ROBO2: variants seen among roughly 807,000 people sequenced by gnomAD.
ROBO2 encodes the protein roundabout guidance receptor 2.
In ROBO2, 53 loss-of-function variants were observed where a neutral mutation model predicts 160.8. The observed-to-expected ratio is 0.33, with a 90% CI of 0.26 to 0.41. The LOEUF (loss-of-function observed/expected upper bound fraction) is 0.41, where lower values mean the gene tolerates loss of function less well. ROBO2 is among the 10% of genes least tolerant of loss of function. ROBO2 has a pLI of 1.00. For synonymous variants in ROBO2, 664 were observed against 611.7 expected, an observed-to-expected ratio of 1.09 and a Z score of -1.26; for missense variants, 1,577 against 1,722.4, an observed-to-expected ratio of 0.92 and a Z score of 1.49.
Position 77,319,162 on chromosome 3 carries a change from T to C in ROBO2, c.389-158252T>C, listed in dbSNP as rs1444146155. On this transcript the variant is annotated intron_variant, in intron 2 of 25. Transcript: ENST00000461745. ...ATGGCTAAGTCCATTATGAGTTTAA[T>C]TGCTTTATGTGCCAGGTGTTCGGAA... 2.0e-5 allele frequency among the ~76,000 whole-genome samples: 3 copies of C among 152,324 alleles called. No individual in the cohort carries two copies. The East Asian group carries it at 5.8e-4, about 29-fold the overall frequency.
chr3:76,817,474 T>C (rs1421875869), intron 2 of ROBO2, among the ~76,000 whole-genome samples: 1 of 152,092 alleles, frequency 6.6e-6, no homozygotes, highest in Non-Finnish European at 1.5e-5. Context: ...TAATGAAACA[T>C]GGTCCAATAT....
intron 2 of ROBO2, among the ~76,000 whole-genome samples, chr3:76,786,207 A>G (rs920529500): frequency 1.3e-5 from 2 of 151,296 alleles, no homozygotes; most frequent in Admixed American, 6.6e-5. Flanking sequence ...AAACATAATG[A>G]CTGAGAAATA....
At chr3:76,521,593 C>T (rs1218396538) in intron 2 of ROBO2, among the ~76,000 whole-genome samples, 1 of 152,110 alleles carries the variant, frequency 6.6e-6, no homozygotes, top group African/African-American at 2.4e-5. Context: ...CCTCAACTTT[C>T]TCAGTGGAAA....
intron 2 of ROBO2, among the ~76,000 whole-genome samples, chr3:76,842,233 A>G (rs1431372169): frequency 3.9e-5 from 6 of 152,214 alleles, no homozygotes; most frequent in Admixed American, 3.3e-4. Context: ...TTGTAAGTGG[A>G]GCACACCCCA....
chr3:77,261,076 G>A (rs1277788783), intron 2 of ROBO2, among the ~76,000 whole-genome samples: 1 of 152,154 alleles, frequency 6.6e-6, no homozygotes, highest in South Asian at 2.1e-4. Flanking sequence ...AGCCTGTCAC[G>A]TATCTGAGGA....
intron 1 of ROBO2, among the ~76,000 whole-genome samples, chr3:75,919,361 C>A (rs562344112): frequency 3.8e-4 from 58 of 152,240 alleles, no homozygotes; most frequent in African/African-American, 1.3e-3. Context: ...GTATGTTGAA[C>A]CAGCCTTGCA....
intron 1 of ROBO2, among the ~76,000 whole-genome samples, chr3:77,089,336 C>G (rs934359440): frequency 6.6e-6 from 1 of 152,114 alleles, no homozygotes; most frequent in Non-Finnish European, 1.5e-5. Context: ...AAAAGGACCT[C>G]TGATAGCTTA....
intron 2 of ROBO2, among the ~76,000 whole-genome samples, chr3:76,858,268 A>T (rs2148594476): frequency 6.6e-6 from 1 of 152,232 alleles, no homozygotes; most frequent in South Asian, 2.1e-4. Flanking sequence ...ACAAACACTC[A>T]GTAAATAGCT....
chr3:77,594,855 A>G (rs1161363048), intron 17 of ROBO2, among the ~76,000 whole-genome samples: 1 of 152,184 alleles, frequency 6.6e-6, no homozygotes, highest in Non-Finnish European at 1.5e-5. Flanking sequence ...ACCACTATAT[A>G]TACTAATTGT....
At chr3:76,714,822 T>C (rs576563324) in intron 2 of ROBO2, among the ~76,000 whole-genome samples, 76 of 152,280 alleles carry the variant, frequency 5.0e-4, no homozygotes, top group African/African-American at 1.8e-3. Context: ...ATGTGAAATA[T>C]AGAGACTTAC....
At chr3:77,303,856 A>T (rs1452928217) in intron 2 of ROBO2, among the ~76,000 whole-genome samples, 1 of 152,118 alleles carries the variant, frequency 6.6e-6, no homozygotes, top group Non-Finnish European at 1.5e-5. Flanking sequence ...ATCTGGGGAC[A>T]TGGAAGGTGG....
chr3:77,289,871 T>A (rs1391883554), intron 2 of ROBO2, among the ~76,000 whole-genome samples: 2 of 151,384 alleles, frequency 1.3e-5, no homozygotes, highest in Admixed American at 1.3e-4. Flanking sequence ...TAAAGTAAAA[T>A]TAATGGTAAA....
In ROBO2 at chr3:76,645,809, A is replaced by G. The variant is rs536505582; in HGVS notation, c.110-452205A>G. Among the ~76,000 whole-genome samples, 9 of 152,332 alleles carry G rather than the reference A, an allele frequency of 5.9e-5. No homozygotes were observed. In the South Asian group the frequency reaches 1.9e-3, roughly 32 times the overall value. Reference sequence around the variant, plus strand: ...AGAAAAGAACTTAAAGTCAGAAACAATAAAAGGCTTACAATTACTTTCAAC... The same window carrying G: ...AGAAAAGAACTTAAAGTCAGAAACAGTAAAAGGCTTACAATTACTTTCAAC... On this transcript the variant is annotated intron_variant, in intron 2 of 26. Coordinates refer to the ROBO2 transcript ENST00000487694.
In ROBO2 at chr3:76,367,781, T is replaced by G. The variant is rs148759893; in HGVS notation, c.109+430179T>G. ...GTACTGTGAGAAGCAGCAGCATTATTTAGAAGATGTAACCAGGTTTCGTGA... is the reference window on the plus strand; with the variant it reads ...GTACTGTGAGAAGCAGCAGCATTATGTAGAAGATGTAACCAGGTTTCGTGA... On this transcript the variant is annotated intron_variant, in intron 2 of 26. Coordinates refer to the ROBO2 transcript ENST00000487694. Among the ~76,000 whole-genome samples the G allele has an allele frequency of 2.5e-3, 383 of 152,076 alleles. 2 individuals are homozygous for G. The highest frequency in any genetic ancestry group is 9.0e-3 in the African/African-American group (372 of 41,516).
chr3:76,665,895 ATAT>A (rs1378046320), intron 2 of ROBO2, among the ~76,000 whole-genome samples: 2 of 119,724 alleles, frequency 1.7e-5, no homozygotes, highest in East Asian at 2.5e-4. Context: ...TAATATATAC[ATAT>A]TATATATAAT....
intron 2 of ROBO2, among the ~76,000 whole-genome samples, chr3:76,127,350 G>A (rs2071028409): frequency 6.6e-6 from 1 of 151,964 alleles, no homozygotes; most frequent in African/African-American, 2.4e-5. Context: ...CATTTTGTAG[G>A]ATAAGTGTTT....
intron 6 of ROBO2, among the ~76,000 whole-genome samples, chr3:77,526,418 G>A (rs549476719): frequency 1.3e-5 from 2 of 151,596 alleles, no homozygotes; most frequent in East Asian, 1.9e-4. Context: ...AGGTATGGGC[G>A]AAACACTGTT....
At chr3:77,065,718 G>C (rs1003343372) in intron 1 of ROBO2, among the ~76,000 whole-genome samples, 1 of 152,118 alleles carries the variant, frequency 6.6e-6, no homozygotes, top group African/African-American at 2.4e-5. Context: ...GTTTGCATTA[G>C]TAATTAGAAA....
intron 2 of ROBO2, among the ~76,000 whole-genome samples, chr3:77,293,550 A>G (rs1442973165): frequency 6.8e-6 from 1 of 146,636 alleles, no homozygotes; most frequent in Non-Finnish European, 1.5e-5. Context: ...TAGAGCACTA[A>G]AGACATAAAG....
Sources: gnomAD v4.1 joint callset for allele counts (sites outside exome capture counted in the v4.1 genomes callset) on GRCh38, gnomAD v4.1.1 for gene constraint, MANE v1.5 for transcripts, NCBI Gene and HGNC (gene_info 2026-07-23, HGNC 2026-07-21) for gene names.